Variants in PIAS4 observed in about 807,000 individuals in gnomAD.
The protein encoded by PIAS4 is protein inhibitor of activated STAT 4.
In PIAS4, 7 loss-of-function variants were observed where a neutral mutation model predicts 58.0. That is an observed-to-expected ratio of 0.12 (90% confidence interval 0.07 to 0.23). The LOEUF (loss-of-function observed/expected upper bound fraction) is 0.23. Among genes scored for constraint, PIAS4 ranks in the 10% least tolerant of loss-of-function variants. The pLI is 1.00. For missense variants in PIAS4, 550 were observed against 709.5 expected (o/e 0.78, Z 2.55); for synonymous variants, 364 against 312.4 (o/e 1.17, Z -1.74).
intron 2 of PIAS4, among the ~76,000 whole-genome samples, chr19:4,023,395 G>A (rs1168180054): frequency 6.6e-6 from 1 of 152,192 alleles, no homozygotes; most frequent in Admixed American, 6.5e-5. Context: ...GGGAGACGGA[G>A]GTTGCAGTCA....
At chr19:4,008,120 C>T (rs1395839436) in intron 1 of PIAS4, among the ~76,000 whole-genome samples, 1 of 152,034 alleles carries the variant, frequency 6.6e-6, no homozygotes, top group African/African-American at 2.4e-5. Flanking sequence ...ACCGTCCCGC[C>T]GGGATGCGGG....
intron 2 of PIAS4, 132 bp from the exon 3 acceptor site, chr19:4,023,904 C>T (rs999470370): frequency 1.5e-5 from 10 of 685,478 alleles, no homozygotes; most frequent in Non-Finnish European, 2.7e-5. Context: ...CCCACCTCTG[C>T]CCCACATATC....
intron 7 of PIAS4, among the ~76,000 whole-genome samples, chr19:4,032,897 C>T (rs2144937979): frequency 6.6e-6 from 1 of 152,292 alleles, no homozygotes; most frequent in African/African-American, 2.4e-5. Context: ...TGTGCTGTGC[C>T]CAGGTTGTGG....
intron 2 of PIAS4, among the ~76,000 whole-genome samples, chr19:4,022,629 A>C (rs36051175): frequency 6.6e-6 from 1 of 151,264 alleles, no homozygotes; most frequent in Admixed American, 6.6e-5. Flanking sequence ...GCCTCCCAAA[A>C]TGCTGGGATT....
rs895725024 is a variant in PIAS4 at position 4,013,465 on chromosome 19, G to A, written c.454+116G>A. The A allele has an allele frequency of 6.4e-6, 6 of 939,984 alleles. No homozygotes were observed. The highest frequency in any genetic ancestry group is 7.9e-6 in the Non-Finnish European group (5 of 629,414). The allele number at this position is 939,984 out of a possible 1,614,324, so 58.2% of individuals were successfully genotyped here. A position where few individuals can be genotyped will look rare whatever the true frequency, so the allele number is the denominator to read the frequency against. On this transcript the variant is annotated intron_variant, in intron 2 of 10. Coordinates refer to ENST00000262971, the MANE Select transcript of PIAS4 (RefSeq NM_015897.4). This position sits in a 1 kb window ranked among gnomAD's most constrained non-coding sequence, Gnocchi z 5.1. The stretch of plus-strand genomic sequence containing the variant: ...ATGTTCTCTGTGGCGCAGCCAGGGC[G>A]GGGAGCCACAGTGGCCAGGGGTGTC...
At chr19:4,012,155 G>T (rs1050372156) in intron 1 of PIAS4, among the ~76,000 whole-genome samples, 1 of 151,810 alleles carries the variant, frequency 6.6e-6, no homozygotes, top group Non-Finnish European at 1.5e-5. Flanking sequence ...GGCCAAGGAG[G>T]AGAAACCCTG....
chr19:4,028,276 G>T, intron 4 of PIAS4, 89 bp downstream of exon 4: 1 of 996,630 alleles, frequency 1.0e-6, no homozygotes. Flanking sequence ...GCCCTTCTCA[G>T]TCTCCCCTGC....
In PIAS4 at chr19:4,012,908, C is replaced by T; in HGVS notation, c.28-15C>T. 1.9e-6 allele frequency: 3 copies of T among 1,600,620 alleles called. No individual in the cohort carries two copies. Among genetic ancestry groups the T allele is most frequent in the Admixed American group, 1.7e-5 (1 of 59,432 alleles). Reference sequence around the variant, plus strand: ...GCTGTGTCCTCTGAGTGTGTGTGTGCTTGCTCCTCCTCAGAACATGGTGAT... The same window carrying T: ...GCTGTGTCCTCTGAGTGTGTGTGTGTTTGCTCCTCCTCAGAACATGGTGAT... On this transcript the variant is annotated splice_polypyrimidine_tract_variant and intron_variant, in intron 1 of 10. Transcript: ENST00000262971.
At chr19:4,025,957 C>T (rs1239215316) in intron 3 of PIAS4, among the ~76,000 whole-genome samples, 1 of 150,760 alleles carries the variant, frequency 6.6e-6, no homozygotes, top group Non-Finnish European at 1.5e-5. Context: ...GCCTGTAGTC[C>T]CAGCTACTCG....
rs1384623713 is a variant in PIAS4 at position 4,037,129 on chromosome 19, G to T, written c.1143-245G>T. On this transcript the variant is annotated intron_variant, in intron 9 of 10. Coordinates refer to ENST00000262971, the MANE Select transcript of PIAS4 (RefSeq NM_015897.4). This position sits in a 1 kb window ranked among gnomAD's most constrained non-coding sequence, Gnocchi z 5.8. The stretch of plus-strand genomic sequence containing the variant: ...GGTAGTTGGGGGCCACTGGGTATGT[G>T]TGTCCATGCCCCGTCCCCCCGGCAG... Among the ~76,000 whole-genome samples the T allele has an allele frequency of 6.6e-6, 1 of 152,226 alleles. No homozygotes were observed. Among genetic ancestry groups the T allele is most frequent in the African/African-American group, 2.4e-5 (1 of 41,468 alleles).
chr19:4,038,657 T>TA lies in PIAS4; in HGVS notation c.*784dup. On this transcript the variant is annotated 3_prime_UTR_variant, in exon 11 of 11. Transcript: ENST00000262971. The surrounding 1 kb of genome is among the most constrained non-coding windows in gnomAD (Gnocchi z 4.1). The stretch of plus-strand genomic sequence containing the variant: ...TCAGTTTTCTAGCCAGCTACCTCGG[T>TA]AATTCCAATTCAGGTTAACTTCCCT... 1 of 153,106 alleles carries TA rather than the reference T, an allele frequency of 6.5e-6. No individual in the cohort carries two copies. The highest frequency in any genetic ancestry group is 1.9e-4 in the East Asian group (1 of 5,138). 9.5% of individuals were successfully genotyped at this position (153,106 alleles called of 1,614,324 possible).
chr19:4,021,037 T>C (rs78204483), intron 2 of PIAS4, among the ~76,000 whole-genome samples: 1 of 152,240 alleles, frequency 6.6e-6, no homozygotes, highest in Non-Finnish European at 1.5e-5. Context: ...TACTGTCTTA[T>C]AACCCCACCA....
intron 4 of PIAS4, 130 bp from the exon 5 acceptor site, chr19:4,028,378 CCT>C: frequency 1.2e-6 from 1 of 802,260 alleles, no homozygotes; most frequent in Non-Finnish European, 2.1e-6. Flanking sequence ...ACCCGGGGGC[CCT>C]GATACCCCCC....
chr19:4,011,151 C>T (rs970689496), intron 1 of PIAS4, among the ~76,000 whole-genome samples: 10 of 152,246 alleles, frequency 6.6e-5, no homozygotes, highest in African/African-American at 2.2e-4. Flanking sequence ...CCTCTGGCTT[C>T]GACCCTCAGG....
intron 2 of PIAS4, among the ~76,000 whole-genome samples, chr19:4,017,383 A>G (rs2040062977): frequency 6.6e-6 from 1 of 151,896 alleles, no homozygotes; most frequent in African/African-American, 2.4e-5. Flanking sequence ...TCCCCCTCCC[A>G]TGGCAGCCTG....
chr19:4,033,052 C>G, intron 7 of PIAS4, 48 bp from the exon 8 acceptor site: 2 of 1,486,176 alleles, frequency 1.3e-6, no homozygotes, highest in East Asian at 4.6e-5. Flanking sequence ...AGCCCCGCGC[C>G]CTGCTGTTCC....
intron 7 of PIAS4, among the ~76,000 whole-genome samples, chr19:4,030,424 C>T (rs1284212724): frequency 5.3e-5 from 8 of 151,982 alleles, no homozygotes; most frequent in Admixed American, 4.6e-4. Flanking sequence ...GCAACACCAT[C>T]CTGGCTAATA....
chr19:4,007,740 C>T lies in PIAS4; in HGVS notation c.-21C>T. ...ACGCGACGGCTGGGGGCTCCCGGCGCGGGGGACGCTGGTGACCAAGATGGC... is the reference window on the plus strand; with the variant it reads ...ACGCGACGGCTGGGGGCTCCCGGCGTGGGGGACGCTGGTGACCAAGATGGC... On this transcript the variant is annotated 5_prime_UTR_variant, in exon 1 of 11. Transcript: ENST00000262971. 2 of 1,214,356 alleles carry T rather than the reference C, an allele frequency of 1.6e-6. No individual in the cohort carries two copies. The highest frequency in any genetic ancestry group is 2.1e-6 in the Non-Finnish European group (2 of 970,188). 75.2% of individuals were successfully genotyped at this position (1,214,356 alleles called of 1,614,324 possible). A position where few individuals can be genotyped will look rare whatever the true frequency, so the allele number is the denominator to read the frequency against.
chr19:4,029,567 T>C (rs998372816), intron 7 of PIAS4, among the ~76,000 whole-genome samples: 1 of 151,542 alleles, frequency 6.6e-6, no homozygotes, highest in African/African-American at 2.4e-5. Flanking sequence ...CTTTTTTTTT[T>C]AGAGAGTCAG....
Sources: gnomAD v4.1 joint callset for allele counts (sites outside exome capture counted in the v4.1 genomes callset) on GRCh38, gnomAD v4.1.1 for gene constraint, Gnocchi (gnomAD v3.1) non-coding constraint, MANE v1.5 for transcripts, NCBI Gene and HGNC (gene_info 2026-07-23, HGNC 2026-07-21) for gene names.